BPTF: variants seen among roughly 807,000 people sequenced by gnomAD.
The protein encoded by BPTF is bromodomain PHD finger transcription factor.
A neutral mutation model predicts 292.5 loss-of-function variants in BPTF; 18 were observed. The ratio of observed to expected loss-of-function variants is 0.06; its 90% CI spans 0.04 to 0.09. The LOEUF (loss-of-function observed/expected upper bound fraction) is 0.09. Ranked by LOEUF, BPTF falls within the 10% of genes least tolerant of loss-of-function variation. BPTF has a pLI of 1.00. For synonymous variants in BPTF, 1,225 were observed against 1,251.9 expected, an observed-to-expected ratio of 0.98 and a Z score of 0.45; for missense variants, 2,726 against 3,498.7, an observed-to-expected ratio of 0.78 and a Z score of 5.57.
At position 67,962,415 on chromosome 17, in the gene BPTF, A is replaced by G. The variant is rs142197981; in HGVS notation, c.8262-1797A>G. ...TAGACACACTGTGTAAGCGTTTGTT[A>G]CATTTACTTTTCCTTTTGTCATTAG... On this transcript the variant is annotated intron_variant, in intron 24 of 27. Coordinates refer to ENST00000306378, the MANE Select transcript of BPTF (RefSeq NM_182641.4). 2.1e-3 allele frequency among the ~76,000 whole-genome samples: 322 copies of G among 152,270 alleles called. 1 individual carries two copies. The highest frequency in any genetic ancestry group is 7.2e-3 in the African/African-American group (298 of 41,550).
chr17:67,959,575 A>G lies in BPTF; in HGVS notation c.7961A>G (p.Glu2654Gly). 1.3e-6 allele frequency: 2 copies of G among 1,531,246 alleles called. No homozygotes were observed. 94.9% of individuals were successfully genotyped at this position (1,531,246 alleles called of 1,614,324 possible). ...AAGAGAGACCTGAAAATTAAGAAAG[A>G]AAAAGACCTGATGCAGTTGGCTCAG... ...ELKRDLKIKK[E>G]KDLMQLAQAT... The change falls in exon 24 of 28, where the codon GAA (glutamate) becomes GGA (glycine). Residue 2654 changes from glutamate (E) to glycine (G), a missense_variant. By Grantham distance (98) the Glu-to-Gly change is moderately conservative (BLOSUM62 -2). Coordinates refer to ENST00000306378, the MANE Select transcript of BPTF (RefSeq NM_182641.4).
intron 18 of BPTF, among the ~76,000 whole-genome samples, chr17:67,935,221 C>A (rs1367039167): frequency 6.6e-6 from 1 of 152,124 alleles, no homozygotes; most frequent in African/African-American, 2.4e-5. Flanking sequence ...CCTATTAGTT[C>A]TAGACATCCT....
chr17:67,949,158 G>T (rs556431769), intron 23 of BPTF, among the ~76,000 whole-genome samples: 1 of 152,108 alleles, frequency 6.6e-6, no homozygotes, highest in South Asian at 2.1e-4. Flanking sequence ...TTGAGCCCAG[G>T]AGTTCAAGAT....
At position 67,893,328 on chromosome 17, in the gene BPTF, TGATTGACATAAATAATGCA is replaced by T. The variant is rs2061246636; in HGVS notation, c.2056-40_2056-22del. On this transcript the variant is annotated intron_variant, in intron 5 of 27. Transcript: ENST00000306378. ...GTTGATTAGATGAAATTCACATCTT[TGATTGACATAAATAATGCA>T]GTCTTTTTATTTTTTTGGTCAGGTA... 2.5e-6 allele frequency: 3 copies of T among 1,220,842 alleles called. No individual in the cohort carries two copies. In the East Asian group the frequency reaches 7.1e-5, roughly 29 times the overall value. The allele number at this position is 1,220,842 out of a possible 1,614,324, so 75.6% of individuals were successfully genotyped here. A position where few individuals can be genotyped will look rare whatever the true frequency, so the allele number is the denominator to read the frequency against.
intron 21 of BPTF, among the ~76,000 whole-genome samples, chr17:67,946,948 A>G (rs1216093887): frequency 2.6e-5 from 4 of 152,220 alleles, no homozygotes; most frequent in African/African-American, 9.6e-5. Flanking sequence ...ATCTACCTAT[A>G]GCTTGCTTCG....
At chr17:67,866,978 A>G (rs1414074521) in intron 3 of BPTF, among the ~76,000 whole-genome samples, 3 of 152,262 alleles carry the variant, frequency 2.0e-5, no homozygotes, top group African/African-American at 7.2e-5. Context: ...CAGTTGTAGC[A>G]CAATGGCAGG....
chr17:67,919,612 G>C (rs527708690), intron 12 of BPTF, among the ~76,000 whole-genome samples: 3 of 152,138 alleles, frequency 2.0e-5, no homozygotes, highest in African/African-American at 7.2e-5. Flanking sequence ...GGGGCCAGAA[G>C]GGAAGGTTCA....
chr17:67,975,437 C>T (rs2069290677), intron 26 of BPTF: 1 of 173,390 alleles, frequency 5.8e-6, no homozygotes, highest in African/African-American at 2.4e-5. Flanking sequence ...AAATGGTTTG[C>T]ATGTAAAAAT....
At position 67,959,884 on chromosome 17, in the gene BPTF, A is replaced by T. The variant is rs372446429; in HGVS notation, c.8261+9A>T. 2.1e-5 allele frequency: 31 copies of T among 1,507,400 alleles called. No homozygotes were observed. The African/African-American group carries it at 4.4e-4, about 21-fold the overall frequency. The allele number at this position is 1,507,400 out of a possible 1,614,324, so 93.4% of individuals were successfully genotyped here. A position where few individuals can be genotyped will look rare whatever the true frequency, so the allele number is the denominator to read the frequency against. On this transcript the variant is annotated intron_variant, in intron 24 of 27. Coordinates refer to ENST00000306378, the MANE Select transcript of BPTF (RefSeq NM_182641.4). The stretch of plus-strand genomic sequence containing the variant: ...CCTTATGATGAATCTAAGTGAGTAG[A>T]TCTTTTTGAGCTCTAGTTTTTTGTC...
rs1280824575 is a variant in BPTF, at chr17:67,854,643, G to A, written c.1317G>A (p.Val439=). 6.2e-7 allele frequency: 1 copy of A among 1,614,108 alleles called. No individual in the cohort carries two copies. Among genetic ancestry groups the A allele is most frequent in the Non-Finnish European group, 8.5e-7 (1 of 1,179,958 alleles). ...WQCEVCVAHK[V]PGVTDCVAEI... ...GTGAAGTCTGTGTAGCACACAAGGT[G>A]CCTGGTGTGACTGACTGTGTTGCTG... is the stretch of plus-strand genomic sequence containing the variant. Residue 439 remains valine, a synonymous_variant, in exon 2 of 28, where the codon GTG becomes GTA. Transcript: ENST00000306378. The surrounding 1 kb of genome is among the most constrained non-coding windows in gnomAD (Gnocchi z 5.6).
chr17:67,943,742 C>T (rs957393891), intron 19 of BPTF, among the ~76,000 whole-genome samples: 4 of 152,162 alleles, frequency 2.6e-5, no homozygotes, highest in African/African-American at 9.7e-5. Flanking sequence ...CATAAAGTCA[C>T]AAGTCCATTG....
At chr17:67,980,865 TAAAC>T (rs1236416243) in intron 27 of BPTF, among the ~76,000 whole-genome samples, 4 of 152,224 alleles carry the variant, frequency 2.6e-5, no homozygotes, top group African/African-American at 9.6e-5. Context: ...TCTGCTTAAA[TAAAC>T]AAATTAGGCT....
intron 4 of BPTF, among the ~76,000 whole-genome samples, chr17:67,884,436 G>A (rs1464289057): frequency 6.8e-6 from 1 of 147,066 alleles, no homozygotes; most frequent in Non-Finnish European, 1.5e-5. Flanking sequence ...TTTTTTTTCT[G>A]ACAAGTTCTC....
intron 18 of BPTF, among the ~76,000 whole-genome samples, chr17:67,939,615 T>C (rs770259337): frequency 2.6e-5 from 4 of 152,224 alleles, no homozygotes; most frequent in East Asian, 1.9e-4. Flanking sequence ...AGGTTGCTCA[T>C]GCCTGTAATC....
chr17:67,977,626 G>C (rs2069672066), intron 27 of BPTF: 1 of 151,496 alleles, frequency 6.6e-6, no homozygotes, highest in Non-Finnish European at 1.5e-5. Flanking sequence ...GGCGGATCAC[G>C]AGGTCAGGAG....
At position 67,826,231 on chromosome 17, in the gene BPTF, C is replaced by T. The variant is rs2056013293; in HGVS notation, c.507C>T (p.Asp169=). ...ACGAGGAGGATGAGATGGAAGAGGACGACGATGACTCCGATTATCCGGAGG... is the reference window on the plus strand; with the variant it reads ...ACGAGGAGGATGAGATGGAAGAGGATGACGATGACTCCGATTATCCGGAGG... The part of the protein sequence containing the change: ...EDDEEDEMEE[D]DDDSDYPEEM... The change falls in exon 1 of 28, where the codon GAC becomes GAT. Residue 169 remains aspartate (D), a synonymous_variant. Coordinates refer to ENST00000306378, the MANE Select transcript of BPTF (RefSeq NM_182641.4). 7 of 1,613,562 alleles carry T rather than the reference C, an allele frequency of 4.3e-6. No homozygotes were observed. The highest frequency in any genetic ancestry group is 5.9e-6 in the Non-Finnish European group (7 of 1,179,812).
chr17:67,830,875 C>T (rs1487030891), intron 1 of BPTF, among the ~76,000 whole-genome samples: 2 of 152,064 alleles, frequency 1.3e-5, no homozygotes, highest in African/African-American at 4.8e-5. Context: ...TCCTGAACAC[C>T]CAGAGGAGTT....
At chr17:67,975,473 C>G (rs2069296216) in intron 26 of BPTF, 2 of 260,316 alleles carry the variant, frequency 7.7e-6, no homozygotes, top group Middle Eastern at 1.2e-3. Flanking sequence ...ATGCATAGAG[C>G]ATGTCGGTGT....
intron 15 of BPTF, among the ~76,000 whole-genome samples, chr17:67,926,386 G>A (rs576941283): frequency 0.012 from 1,650 of 141,594 alleles, 15 homozygotes; most frequent in Non-Finnish European, 0.017. Context: ...GTGCAGTGGC[G>A]CGATCTCGGC....
Sources: gnomAD v4.1 joint callset for allele counts (sites outside exome capture counted in the v4.1 genomes callset) on GRCh38, gnomAD v4.1.1 for gene constraint, Gnocchi (gnomAD v3.1) non-coding constraint, MANE v1.5 for transcripts, NCBI Gene and HGNC (gene_info 2026-07-23, HGNC 2026-07-21) for gene names.